INTS3: variants seen among roughly 807,000 people sequenced by gnomAD.
INTS3 encodes integrator complex subunit 3, also known as SOSS complex subunit A.
A neutral mutation model predicts 146.3 loss-of-function variants in INTS3; 34 were observed. That is an observed-to-expected ratio of 0.23 (90% CI 0.18 to 0.31). The LOEUF is 0.31. Ranked by LOEUF, INTS3 falls within the 10% of genes least tolerant of loss-of-function variation. The pLI is 1.00. For synonymous variants in INTS3, 475 were observed against 494.9 expected, an observed-to-expected ratio of 0.96 and a Z score of 0.53; for missense variants, 757 against 1,304.2, an observed-to-expected ratio of 0.58 and a Z score of 6.46.
intron 1 of INTS3, among the ~76,000 whole-genome samples, chr1:153,739,515 G>A (rs1307508006): frequency 1.3e-5 from 2 of 151,124 alleles, no homozygotes; most frequent in African/African-American, 4.9e-5. Context: ...GCTAATTTTT[G>A]TAGAGACGGG....
chr1:153,744,447 C>T (rs1671652609), intron 3 of INTS3, among the ~76,000 whole-genome samples: 1 of 152,226 alleles, frequency 6.6e-6, no homozygotes, highest in Non-Finnish European at 1.5e-5. Context: ...CAGGACTTAA[C>T]TATCAATATT....
In INTS3 at chr1:153,728,682, G is replaced by C. The variant is rs1670949362; in HGVS notation, c.48G>C (p.Ser16=). 6.2e-7 allele frequency: 1 copy of C among 1,604,422 alleles called. No homozygotes were observed. Residue 16 remains serine, a synonymous_variant, in exon 1 of 30, where the codon TCG becomes TCC. Coordinates refer to ENST00000318967, the MANE Select transcript of INTS3 (RefSeq NM_023015.5). Reference sequence around the variant, plus strand: ...GGGCGGCAGCAGCAGCAGCTGCTTCGGGAGCAGCGGGAGGTGGAGGAGGAG... The same window carrying C: ...GGGCGGCAGCAGCAGCAGCTGCTTCCGGAGCAGCGGGAGGTGGAGGAGGAG... ...GKGAAAAAAA[S]GAAGGGGGGA...
chr1:153,746,911 C>A, intron 3 of INTS3, 46 bp from the exon 4 acceptor site: 1 of 1,303,048 alleles, frequency 7.7e-7, no homozygotes, highest in Non-Finnish European at 1.1e-6. Context: ...GGGGTGAGGA[C>A]CTTATCCTCA....
chr1:153,765,140 AC>A, intron 20 of INTS3, 77 bp downstream of exon 20: 8 of 1,507,296 alleles, frequency 5.3e-6, no homozygotes, highest in Non-Finnish European at 7.3e-6. Context: ...TGACTCCCCA[AC>A]CCTGGACTGT....
chr1:153,732,950 C>T (rs909783804), intron 1 of INTS3, among the ~76,000 whole-genome samples: 4 of 150,380 alleles, frequency 2.7e-5, no homozygotes, highest in South Asian at 2.1e-4. Context: ...AGTAAAGGCA[C>T]GCACCACCAT....
chr1:153,739,411 C>T (rs1314989570), intron 1 of INTS3, among the ~76,000 whole-genome samples: 4 of 150,242 alleles, frequency 2.7e-5, no homozygotes, highest in Middle Eastern at 3.5e-3. Flanking sequence ...GATGCAATCT[C>T]GGCTCACCTC....
intron 9 of INTS3, among the ~76,000 whole-genome samples, chr1:153,756,008 C>G (rs1404956112): frequency 6.6e-6 from 1 of 151,842 alleles, no homozygotes; most frequent in Non-Finnish European, 1.5e-5. Flanking sequence ...CCACTGCACT[C>G]CAGCCTGGGC....
At chr1:153,738,768 A>G (rs1347460395) in intron 1 of INTS3, among the ~76,000 whole-genome samples, 2 of 152,104 alleles carry the variant, frequency 1.3e-5, no homozygotes, top group African/African-American at 4.8e-5. Flanking sequence ...TCACCATTTC[A>G]TCTACATTTA....
chr1:153,746,642 C>T (rs1180712209), intron 3 of INTS3, among the ~76,000 whole-genome samples: 2 of 151,864 alleles, frequency 1.3e-5, no homozygotes, highest in Non-Finnish European at 2.9e-5. Flanking sequence ...ACCTCGTGAT[C>T]CACCCGCCTT....
Position 153,748,772 on chromosome 1 carries a change from A to C in INTS3, c.584+17A>C. 6.2e-7 allele frequency: 1 copy of C among 1,602,638 alleles called. No individual in the cohort carries two copies. The highest frequency in any genetic ancestry group is 8.6e-7 in the Non-Finnish European group (1 of 1,169,446). On this transcript the variant is annotated intron_variant, in intron 6 of 29. Transcript: ENST00000318967. ...AGAGCAAAGGTAGCATCCACCACGA[A>C]GGGTGGGGTACAGGCCAGATAATGG... is the stretch of plus-strand genomic sequence containing the variant.
intron 1 of INTS3, among the ~76,000 whole-genome samples, chr1:153,729,547 C>G (rs534118536): frequency 4.6e-5 from 7 of 152,226 alleles, no homozygotes; most frequent in African/African-American, 1.7e-4. Context: ...CCTTTCCACT[C>G]CTACAAACGA....
chr1:153,729,017 G>GT (rs985078595), intron 1 of INTS3, among the ~76,000 whole-genome samples: 6 of 152,274 alleles, frequency 3.9e-5, no homozygotes, highest in African/African-American at 1.4e-4. Context: ...GGTGGGGGGT[G>GT]TTGGTGAAGG....
chr1:153,739,486 A>G (rs9426887), intron 1 of INTS3, among the ~76,000 whole-genome samples: 143,717 of 152,028 alleles, frequency 0.95, 67,952 homozygotes, highest in East Asian at 1. Flanking sequence ...GGAATTACAG[A>G]CATGTGCCAC....
chr1:153,750,277 T>C (rs1671908952), intron 6 of INTS3, among the ~76,000 whole-genome samples: 1 of 152,214 alleles, frequency 6.6e-6, no homozygotes, highest in Non-Finnish European at 1.5e-5. Flanking sequence ...GGAGACAGCG[T>C]CTCAATTTTG....
chr1:153,763,215 C>T lies in INTS3; in HGVS notation c.1637-18C>T. On this transcript the variant is annotated intron_variant, in intron 15 of 29. Transcript: ENST00000318967. ...GCATCTGGGCAAACTGACTTCTTTC[C>T]CAAATCACTCCCTTTAGGAAAGAAG... 6.2e-7 allele frequency: 1 copy of T among 1,614,158 alleles called. No individual in the cohort carries two copies. The highest frequency in any genetic ancestry group is 1.3e-5 in the African/African-American group (1 of 75,048).
rs1361678326 is a variant in INTS3 at position 153,773,506 on chromosome 1, T to C, written c.*236T>C. The C allele has an allele frequency of 1.0e-5, 6 of 594,214 alleles. No homozygotes were observed. Among genetic ancestry groups the C allele is most frequent in the South Asian group, 6.7e-5 (3 of 45,018 alleles). The allele number at this position is 594,214 out of a possible 1,614,324, so 36.8% of individuals were successfully genotyped here. ...CTCACACTGCTGTTCCCAGTGATATTTGGGATCTGACTGAAGCCAGAGGCT... is the reference window on the plus strand; with the variant it reads ...CTCACACTGCTGTTCCCAGTGATATCTGGGATCTGACTGAAGCCAGAGGCT... On this transcript the variant is annotated 3_prime_UTR_variant, in exon 30 of 30. Transcript: ENST00000318967.
chr1:153,728,671 G>A lies in INTS3; in HGVS notation c.37G>A (p.Ala13Thr). ...GAAGGGAAAAGGGGCGGCAGCAGCA[G>A]CAGCTGCTTCGGGAGCAGCGGGAGG... ...LQKGKGAAAAAAASGAAGGGG... is the reference protein window; with the variant it reads ...LQKGKGAAAATAASGAAGGGG... Residue 13 changes from alanine (A) to threonine (T), a missense_variant, in exon 1 of 30, where the codon GCA becomes ACA. By Grantham distance (58) the Ala-to-Thr change is moderately conservative. Coordinates refer to ENST00000318967, the MANE Select transcript of INTS3 (RefSeq NM_023015.5). 6.2e-7 allele frequency: 1 copy of A among 1,605,888 alleles called. No homozygotes were observed. Among genetic ancestry groups the A allele is most frequent in the Admixed American group, 1.7e-5 (1 of 57,800 alleles).
intron 1 of INTS3, among the ~76,000 whole-genome samples, chr1:153,730,093 C>G (rs1455287050): frequency 6.6e-6 from 1 of 152,084 alleles, no homozygotes; most frequent in African/African-American, 2.4e-5. Context: ...GGGTCAGATA[C>G]AAGATGGTAG....
chr1:153,763,905 C>T lies in INTS3; in HGVS notation c.1821+19C>T. Reference sequence around the variant, plus strand: ...CCTGGAGGTGAGGAGGAACCCAATCCCTTAGGGAGGAAGCAGCCTAGCCTG... The same window carrying T: ...CCTGGAGGTGAGGAGGAACCCAATCTCTTAGGGAGGAAGCAGCCTAGCCTG... On this transcript the variant is annotated intron_variant, in intron 17 of 29. Transcript: ENST00000318967. 1 of 1,611,060 alleles carries T rather than the reference C, an allele frequency of 6.2e-7. No individual in the cohort carries two copies.
Sources: allele counts gnomAD v4.1 joint callset (sites outside exome capture counted in the v4.1 genomes callset), GRCh38; gene constraint gnomAD v4.1.1; transcripts MANE v1.5; gene names NCBI Gene and HGNC (gene_info 2026-07-23, HGNC 2026-07-21).